DNMT3A: variants seen among roughly 807,000 people sequenced by gnomAD.
The protein encoded by DNMT3A is DNA methyltransferase 3 alpha.
In DNMT3A, 267 loss-of-function variants were observed where a neutral mutation model predicts 117.6. The observed-to-expected ratio is 2.27, with a 90% CI of 2.05 to 2.51. The LOEUF (loss-of-function observed/expected upper bound fraction) is 2.51, where lower values mean the gene tolerates loss of function less well. Among genes scored for constraint, DNMT3A ranks in the 30% most tolerant of loss-of-function variants. The probability of loss-of-function intolerance (pLI) is 0.00; values close to 1 mark genes in which losing one functional copy is unlikely to be tolerated. For synonymous variants in DNMT3A, 432 were observed against 474.8 expected (o/e 0.91, Z 1.17); for missense variants, 1,029 against 1,260.2 (o/e 0.82, Z 2.78).
chr2:25,313,872 T>A, intron 2 of DNMT3A, 41 bp downstream of exon 2: 2 of 1,548,746 alleles, frequency 1.3e-6, no homozygotes, highest in Non-Finnish European at 1.7e-6. Context: ...GGGCTCTCCC[T>A]CTCCCAGGCC....
intron 6 of DNMT3A, among the ~76,000 whole-genome samples, chr2:25,262,067 G>A (rs2149345192): frequency 6.6e-6 from 1 of 151,640 alleles, no homozygotes; most frequent in East Asian, 1.9e-4. Flanking sequence ...GCACATGCCT[G>A]TAACCCCACC....
chr2:25,275,416 CCT>C, intron 5 of DNMT3A, 82 bp downstream of exon 5: 1 of 1,441,362 alleles, frequency 6.9e-7, no homozygotes, highest in Non-Finnish European at 9.4e-7. Context: ...AGGGGCCCAC[CCT>C]CCGCCCCCTC....
At chr2:25,314,199 C>T (rs1024900529) in intron 1 of DNMT3A, 38 bp from the exon 2 acceptor site, 10 of 1,404,964 alleles carry the variant, frequency 7.1e-6, no homozygotes, top group Non-Finnish European at 9.2e-6. Context: ...GGCGGAGCAC[C>T]CCACCCTCCC....
intron 1 of DNMT3A, among the ~76,000 whole-genome samples, chr2:25,336,439 G>A (rs2035219094): frequency 6.6e-6 from 1 of 152,148 alleles, no homozygotes; most frequent in South Asian, 2.1e-4. Context: ...AACCATGACT[G>A]CTATCACTCG....
chr2:25,241,634 G>GC lies in DNMT3A; in HGVS notation c.2009_2010insG (p.Ile670MetfsTer43). ...CCTGGTGCCGCACCATGCCCACCGTGATGGAGTCCTCACACACCTCCGAGG... is the reference window on the plus strand; with the variant it reads ...CCTGGTGCCGCACCATGCCCACCGTGCATGGAGTCCTCACACACCTCCGAGG... On this transcript the variant is annotated frameshift_variant, in exon 17 of 23. Coordinates refer to ENST00000321117, the MANE Select transcript of DNMT3A (RefSeq NM_022552.5). LOFTEE classifies it high-confidence loss of function. The GC allele has an allele frequency of 6.2e-7, 1 of 1,614,172 alleles. No individual in the cohort carries two copies. Among genetic ancestry groups the GC allele is most frequent in the Non-Finnish European group, 8.5e-7 (1 of 1,180,014 alleles).
At chr2:25,272,811 T>C (rs2031036231) in intron 6 of DNMT3A, among the ~76,000 whole-genome samples, 1 of 150,186 alleles carries the variant, frequency 6.7e-6, no homozygotes, top group African/African-American at 2.4e-5. Context: ...CTCTTTTTTT[T>C]TTTTTTTTGA....
rs1429510762 is a variant in DNMT3A at position 25,337,789 on chromosome 2, C to CA, written c.-178+4036dup. On this transcript the variant is annotated intron_variant, in intron 1 of 22. Coordinates refer to ENST00000321117, the MANE Select transcript of DNMT3A (RefSeq NM_022552.5). The surrounding 1 kb of genome is among the most constrained non-coding windows in gnomAD (Gnocchi z 5.0). The stretch of plus-strand genomic sequence containing the variant: ...GGTCATGTTCTTAGGGAAAAATCGT[C>CA]AGAGAGAAATGATTGAAAATGAGCC... Among the ~76,000 whole-genome samples, 2 of 152,138 alleles carry CA rather than the reference C, an allele frequency of 1.3e-5. No individual in the cohort carries two copies. The highest frequency in any genetic ancestry group is 2.9e-5 in the Non-Finnish European group (2 of 68,036).
At chr2:25,295,695 A>G (rs1183578513) in intron 3 of DNMT3A, among the ~76,000 whole-genome samples, 1 of 152,242 alleles carries the variant, frequency 6.6e-6, no homozygotes, top group Non-Finnish European at 1.5e-5. Context: ...GGGAGGTGTG[A>G]AGTCCAAGTC....
intron 1 of DNMT3A, 71 bp from the exon 2 acceptor site, chr2:25,314,232 G>A: frequency 7.3e-7 from 1 of 1,365,156 alleles, no homozygotes. Context: ...TCAGCCCAGG[G>A]CCACACCTGG....
chr2:25,278,169 C>T (rs543295916), intron 4 of DNMT3A, among the ~76,000 whole-genome samples: 4 of 152,208 alleles, frequency 2.6e-5, no homozygotes, highest in African/African-American at 4.8e-5. Context: ...CCAGGGTCAC[C>T]GCCAGGGCCA....
intron 6 of DNMT3A, among the ~76,000 whole-genome samples, chr2:25,269,060 G>A (rs2030628116): frequency 6.6e-6 from 1 of 152,262 alleles, no homozygotes; most frequent in South Asian, 2.1e-4. Context: ...AGTGGCTCAT[G>A]CCTGTAATTC....
At chr2:25,328,861 G>A in intron 1 of DNMT3A, 1 of 389,480 alleles carries the variant, frequency 2.6e-6, no homozygotes, top group Non-Finnish European at 5.5e-6. Context: ...TGAAGGGGTT[G>A]GTGAGGGCCT....
At chr2:25,319,697 CA>C (rs150872660) in intron 1 of DNMT3A, among the ~76,000 whole-genome samples, 3 of 152,090 alleles carry the variant, frequency 2.0e-5, no homozygotes, top group Non-Finnish European at 2.9e-5. Flanking sequence ...TTTTACCTGA[CA>C]AAACTACACA....
chr2:25,280,689 G>C (rs1307525586), intron 4 of DNMT3A, among the ~76,000 whole-genome samples: 1 of 152,232 alleles, frequency 6.6e-6, no homozygotes, highest in East Asian at 1.9e-4. Context: ...TGAGGTCCTT[G>C]AGGGCAAGAA....
At chr2:25,302,552 G>A (rs34589350) in intron 2 of DNMT3A, among the ~76,000 whole-genome samples, 11,008 of 152,266 alleles carry the variant, frequency 0.072, 548 homozygotes, top group African/African-American at 0.14. Flanking sequence ...GCAGACGGGC[G>A]GTGAGGGCAG....
chr2:25,245,545 G>A (rs1674655769), intron 12 of DNMT3A, among the ~76,000 whole-genome samples: 1 of 152,246 alleles, frequency 6.6e-6, no homozygotes, highest in Non-Finnish European at 1.5e-5. Context: ...CACAAACAGG[G>A]ATGGAGTGAC....
rs1477309474 is a variant in DNMT3A, at chr2:25,234,135, T to G, written c.*144A>C. Reference sequence around the variant, plus strand: ...CAAAGCCCTCCGGTATTTCCGCCTCTGTGGTTTTTGTTTTAAATTCCTTTT... The same window carrying G: ...CAAAGCCCTCCGGTATTTCCGCCTCGGTGGTTTTTGTTTTAAATTCCTTTT... On this transcript the variant is annotated 3_prime_UTR_variant, in exon 23 of 23. Coordinates refer to ENST00000321117, the MANE Select transcript of DNMT3A (RefSeq NM_022552.5). This position sits in a 1 kb window ranked among gnomAD's most constrained non-coding sequence, Gnocchi z 4.5. The G allele has an allele frequency of 7.7e-7, 1 of 1,296,878 alleles. No homozygotes were observed. The highest frequency in any genetic ancestry group is 3.0e-5 in the Admixed American group (1 of 32,808). The allele number at this position is 1,296,878 out of a possible 1,614,324, so 80.3% of individuals were successfully genotyped here. A position where few individuals can be genotyped will look rare whatever the true frequency, so the allele number is the denominator to read the frequency against.
rs892745377 is a variant in DNMT3A, at chr2:25,298,498, T to C, written c.177+1641A>G. ...GGTGGTGGCTCTTGTCCTCAGAAAC[T>C]GGACGGGGACAGGGGGAGTTTGCTT... On this transcript the variant is annotated intron_variant, in intron 3 of 22. Transcript: ENST00000321117. The surrounding 1 kb of genome is among the most constrained non-coding windows in gnomAD (Gnocchi z 4.3). Among the ~76,000 whole-genome samples, 1 of 152,192 alleles carries C rather than the reference T, an allele frequency of 6.6e-6. No individual in the cohort carries two copies. Among genetic ancestry groups the C allele is most frequent in the African/African-American group, 2.4e-5 (1 of 41,452 alleles).
chr2:25,292,588 C>T (rs1558715348), intron 3 of DNMT3A, among the ~76,000 whole-genome samples: 2 of 152,020 alleles, frequency 1.3e-5, no homozygotes, highest in South Asian at 2.1e-4. Flanking sequence ...GTGCTCAGCC[C>T]GCCGCACCCG....
Sources: gnomAD v4.1 joint callset for allele counts (sites outside exome capture counted in the v4.1 genomes callset) on GRCh38, gnomAD v4.1.1 for gene constraint, Gnocchi (gnomAD v3.1) non-coding constraint, MANE v1.5 for transcripts, NCBI Gene and HGNC (gene_info 2026-07-23, HGNC 2026-07-21) for gene names.